EHBP1: variants seen among roughly 807,000 people sequenced by gnomAD.
The protein encoded by EHBP1 is EH domain-binding protein 1.
In EHBP1, 55 loss-of-function variants were observed where a neutral mutation model predicts 144.0. The ratio of observed to expected loss-of-function variants is 0.38; its 90% CI spans 0.31 to 0.48. EHBP1 has a LOEUF of 0.48. EHBP1 is among the 20% of genes least tolerant of loss of function. The pLI, the probability that EHBP1 is intolerant of heterozygous loss-of-function variation, is 0.98. For missense variants in EHBP1, 1,200 were observed against 1,364.2 expected (o/e 0.88, Z 1.90); for synonymous variants, 469 against 472.7 (o/e 0.99, Z 0.10).
intron 19 of EHBP1, among the ~76,000 whole-genome samples, chr2:63,017,605 A>G (rs2060537050): frequency 6.6e-6 from 1 of 152,158 alleles, no homozygotes; most frequent in Non-Finnish European, 1.5e-5. Flanking sequence ...AGCTATTATT[A>G]TTTATATAAT....
At chr2:62,996,539 G>A (rs2059633404) in intron 18 of EHBP1, 104 bp from the exon 19 acceptor site, 5 of 1,406,126 alleles carry the variant, frequency 3.6e-6, no homozygotes, top group Non-Finnish European at 4.9e-6. Context: ...GATACTAACG[G>A]TGTATTTGGT....
chr2:62,740,691 T>C (rs2038621199), intron 2 of EHBP1, among the ~76,000 whole-genome samples: 1 of 152,160 alleles, frequency 6.6e-6, no homozygotes, highest in Non-Finnish European at 1.5e-5. Context: ...AAGCATATCC[T>C]GGATTCTGTG....
At chr2:62,738,675 C>T (rs2038387267) in intron 2 of EHBP1, among the ~76,000 whole-genome samples, 1 of 152,124 alleles carries the variant, frequency 6.6e-6, no homozygotes, top group South Asian at 2.1e-4. Context: ...TCCTGTATTT[C>T]TCTCTTTTAA....
intron 19 of EHBP1, among the ~76,000 whole-genome samples, chr2:63,023,433 A>C (rs1262851085): frequency 6.6e-6 from 1 of 152,212 alleles, no homozygotes; most frequent in East Asian, 1.9e-4. Flanking sequence ...AGTGGACTTT[A>C]CCTGTAAAAA....
At chr2:62,871,179 A>G (rs946109073) in intron 9 of EHBP1, among the ~76,000 whole-genome samples, 2 of 152,258 alleles carry the variant, frequency 1.3e-5, no homozygotes, top group African/African-American at 4.8e-5. Context: ...AAGTACAGGC[A>G]TTCAGGTATT....
intron 3 of EHBP1, among the ~76,000 whole-genome samples, chr2:62,760,603 C>T (rs930669686): frequency 6.6e-6 from 1 of 152,194 alleles, no homozygotes; most frequent in African/African-American, 2.4e-5. Flanking sequence ...CTATCATCTC[C>T]TAACTCTGCC....
chr2:63,014,275 T>C (rs996748028), intron 19 of EHBP1, among the ~76,000 whole-genome samples: 2 of 152,242 alleles, frequency 1.3e-5, no homozygotes, highest in Admixed American at 1.3e-4. Context: ...GTTATTGATC[T>C]CTAATCTGCC....
chr2:62,831,246 A>G (rs995902692), intron 7 of EHBP1, 88 bp downstream of exon 7: 58 of 1,299,296 alleles, frequency 4.5e-5, no homozygotes, highest in Non-Finnish European at 5.8e-5. Flanking sequence ...AAACAATTCT[A>G]CTTATTGGGT....
chr2:62,955,636 A>G lies in EHBP1; in HGVS notation c.2436A>G (p.Pro812=). 1.2e-6 allele frequency: 2 copies of G among 1,611,454 alleles called. No homozygotes were observed. Among genetic ancestry groups the G allele is most frequent in the Non-Finnish European group, 1.7e-6 (2 of 1,178,646 alleles). The change falls in exon 14 of 23, where the codon CCA becomes CCG. Residue 812 remains proline, a synonymous_variant. Coordinates refer to ENST00000431489, the MANE Select transcript of EHBP1 (RefSeq NM_001142616.3). ...AGCACAATACCAACACAGCCACCCCATTCTGCAACAGGCAGCTAAGTGATG... is the reference window on the plus strand; with the variant it reads ...AGCACAATACCAACACAGCCACCCCGTTCTGCAACAGGCAGCTAAGTGATG... ...GNKHNTNTAT[P]FCNRQLSDQQ... is the part of the protein sequence containing the mutation.
chr2:62,741,887 A>G (rs369104164), intron 2 of EHBP1, among the ~76,000 whole-genome samples: 1 of 152,168 alleles, frequency 6.6e-6, no homozygotes, highest in South Asian at 2.1e-4. Flanking sequence ...TAATCTAGAG[A>G]TGATTTAAAC....
intron 19 of EHBP1, among the ~76,000 whole-genome samples, chr2:63,013,380 C>G (rs967315406): frequency 6.6e-6 from 1 of 152,172 alleles, no homozygotes; most frequent in African/African-American, 2.4e-5. Context: ...AAGATTCACA[C>G]ACAGTCCTTT....
chr2:62,942,600 G>T (rs1031569932), intron 10 of EHBP1, 118 bp from the exon 11 acceptor site: 6 of 811,070 alleles, frequency 7.4e-6, no homozygotes, highest in Non-Finnish European at 9.0e-6. Flanking sequence ...TGAATTGACA[G>T]TTGTGAAGGA....
At chr2:62,786,379 C>A (rs987292299) in intron 5 of EHBP1, among the ~76,000 whole-genome samples, 3 of 152,106 alleles carry the variant, frequency 2.0e-5, no homozygotes, top group Non-Finnish European at 4.4e-5. Context: ...AGTTGCATCA[C>A]CTTCTTGACC....
chr2:63,018,445 G>T (rs560500471), intron 19 of EHBP1, among the ~76,000 whole-genome samples: 2 of 152,286 alleles, frequency 1.3e-5, no homozygotes, highest in African/African-American at 4.8e-5. Flanking sequence ...GCACTTAATT[G>T]TTGAATCATT....
At chr2:62,755,951 T>G (rs1277764222) in intron 3 of EHBP1, among the ~76,000 whole-genome samples, 4 of 151,878 alleles carry the variant, frequency 2.6e-5, no homozygotes, top group African/African-American at 4.8e-5. Context: ...ATGAGAAACA[T>G]AAGGAAATGC....
intron 10 of EHBP1, among the ~76,000 whole-genome samples, chr2:62,909,829 C>T (rs545676792): frequency 1.3e-4 from 20 of 152,272 alleles, no homozygotes; most frequent in African/African-American, 4.8e-4. Flanking sequence ...GCAATATTGG[C>T]TCACTGCAAC....
intron 10 of EHBP1, among the ~76,000 whole-genome samples, chr2:62,917,178 G>T (rs549188658): frequency 3.3e-5 from 5 of 152,218 alleles, no homozygotes; most frequent in African/African-American, 1.2e-4. Context: ...ACAGGCAATT[G>T]TAACACAATA....
chr2:62,993,857 CTTT>C lies in EHBP1; in HGVS notation c.2873-6_2873-4del. ...TACAATAATTTTACATGTCTTTCCT[CTTT>C]TTTTTTTAAGAGATGAAAAGGCAGA... On this transcript the variant is annotated splice_polypyrimidine_tract_variant and intron_variant, in intron 17 of 22. Transcript: ENST00000431489. The C allele has an allele frequency of 7.7e-7, 1 of 1,291,332 alleles. No homozygotes were observed. The highest frequency in any genetic ancestry group is 1.0e-6 in the Non-Finnish European group (1 of 960,734). 80.0% of individuals were successfully genotyped at this position (1,291,332 alleles called of 1,614,324 possible).
intron 19 of EHBP1, among the ~76,000 whole-genome samples, chr2:63,010,969 T>G (rs1445061034): frequency 2.6e-5 from 4 of 151,278 alleles, no homozygotes; most frequent in African/African-American, 9.7e-5. Context: ...TAAATCTAGG[T>G]TTCCTTAAAG....
Sources: gnomAD v4.1 joint callset for allele counts (sites outside exome capture counted in the v4.1 genomes callset) on GRCh38, gnomAD v4.1.1 for gene constraint, MANE v1.5 for transcripts, NCBI Gene and HGNC (gene_info 2026-07-23, HGNC 2026-07-21) for gene names.